The following GPR107 variants were observed in gnomAD, a reference collection of about 807,000 sequenced individuals.
GPR107 encodes the protein protein GPR107.
A neutral mutation model predicts 75.5 loss-of-function variants in GPR107; 31 were observed. That is an observed-to-expected ratio of 0.41 (90% confidence interval 0.31 to 0.55). The LOEUF is 0.55. Among genes scored for constraint, GPR107 ranks in the 20% least tolerant of loss-of-function variants. GPR107 has a pLI of 0.26. For synonymous variants in GPR107, 267 were observed against 251.3 expected (o/e 1.06, Z -0.59); for missense variants, 572 against 665.7 (o/e 0.86, Z 1.55).
intron 14 of GPR107, among the ~76,000 whole-genome samples, chr9:130,113,038 C>T (rs1235142833): frequency 6.6e-6 from 1 of 152,174 alleles, no homozygotes; most frequent in African/African-American, 2.4e-5. Context: ...GCATGAGCCA[C>T]TGTGCCTGGC....
At chr9:130,108,992 CTTTTTTTTTTTT>C (rs11316244) in intron 14 of GPR107, among the ~76,000 whole-genome samples, 4 of 66,056 alleles carry the variant, frequency 6.1e-5, no homozygotes, top group African/African-American at 2.6e-4. Context: ...TGGGGATATT[CTTTTTTTTTTTT>C]TTTTTTTTTT....
At chr9:130,092,054 G>T (rs984744137) in intron 8 of GPR107, among the ~76,000 whole-genome samples, 194 bp from the exon 9 acceptor site, 2 of 151,934 alleles carry the variant, frequency 1.3e-5, no homozygotes, top group African/African-American at 2.4e-5. Flanking sequence ...GGCTGGTGTT[G>T]AACTCCTGAT....
At chr9:130,134,201 C>G (rs1233525590) in intron 17 of GPR107, among the ~76,000 whole-genome samples, 1 of 152,214 alleles carries the variant, frequency 6.6e-6, no homozygotes. Context: ...CTGCTACTCA[C>G]AGAGCCACCC....
chr9:130,092,677 G>A (rs1830771203), intron 9 of GPR107, among the ~76,000 whole-genome samples: 2 of 151,346 alleles, frequency 1.3e-5, no homozygotes, highest in South Asian at 2.1e-4. Context: ...GTGCAGTGGC[G>A]TGATCTCAGC....
chr9:130,132,679 G>T (rs909050211), intron 17 of GPR107, among the ~76,000 whole-genome samples: 9 of 152,024 alleles, frequency 5.9e-5, no homozygotes, highest in Non-Finnish European at 8.8e-5. Flanking sequence ...CCAGGTACTT[G>T]GGAGGTTGAG....
At chr9:130,126,138 T>C (rs1177389030) in intron 15 of GPR107, among the ~76,000 whole-genome samples, 1 of 151,918 alleles carries the variant, frequency 6.6e-6, no homozygotes, top group Non-Finnish European at 1.5e-5. Flanking sequence ...GTTGTGGTAA[T>C]AAATTTTCCT....
At chr9:130,098,738 C>T (rs1168723847) in intron 9 of GPR107, among the ~76,000 whole-genome samples, 4 of 152,032 alleles carry the variant, frequency 2.6e-5, no homozygotes, top group South Asian at 4.2e-4. Context: ...CTGGGTGTGG[C>T]GGCTCACCCC....
chr9:130,074,072 A>C (rs1333418099), intron 1 of GPR107, among the ~76,000 whole-genome samples: 1 of 152,148 alleles, frequency 6.6e-6, no homozygotes, highest in African/African-American at 2.4e-5. Context: ...CTGGGTTTTT[A>C]ACAGATGTTG....
At chr9:130,078,560 A>C (rs1309423569) in intron 4 of GPR107, among the ~76,000 whole-genome samples, 1 of 152,208 alleles carries the variant, frequency 6.6e-6, no homozygotes, top group African/African-American at 2.4e-5. Flanking sequence ...TAGTGAAGAC[A>C]TTGATTACCT....
chr9:130,066,789 T>C (rs927338229), intron 1 of GPR107, among the ~76,000 whole-genome samples: 20 of 151,948 alleles, frequency 1.3e-4, no homozygotes, highest in African/African-American at 4.1e-4. Flanking sequence ...ATCGAGACCA[T>C]CCTGGCTAAC....
chr9:130,071,538 G>A (rs1328898746), intron 1 of GPR107, among the ~76,000 whole-genome samples: 1 of 152,012 alleles, frequency 6.6e-6, no homozygotes, highest in Non-Finnish European at 1.5e-5. Context: ...CTACCGTGGG[G>A]CTGCTTCTCT....
In GPR107 at chr9:130,079,663, C is replaced by G. The variant is rs147298143; in HGVS notation, c.420C>G (p.Thr140=). The G allele has an allele frequency of 6.2e-7, 1 of 1,613,176 alleles. No homozygotes were observed. The highest frequency in any genetic ancestry group is 1.7e-5 in the Admixed American group (1 of 59,980). ...TAAAGTCTCCACCAGAAGCTGGTACCCAGTTACCAAAGATCATCTTCAGCA... is the reference window on the plus strand; with the variant it reads ...TAAAGTCTCCACCAGAAGCTGGTACGCAGTTACCAAAGATCATCTTCAGCA... ...VRVKSPPEAG[T]QLPKIIFSRD... Residue 140 remains threonine, a synonymous_variant, in exon 5 of 18, where the codon ACC becomes ACG. Coordinates refer to ENST00000347136, the MANE Select transcript of GPR107 (RefSeq NM_020960.5).
chr9:130,137,612 T>C lies in GPR107; in HGVS notation c.*2491T>C, dbSNP rs1335327305. On this transcript the variant is annotated 3_prime_UTR_variant, in exon 18 of 18. Coordinates refer to ENST00000347136, the MANE Select transcript of GPR107 (RefSeq NM_020960.5). ...GTGGTTCCAAGCTTTTAAAAAATTA[T>C]TGAAGCTCTCCATCCTGTTCTGTGA... 2.6e-5 allele frequency: 4 copies of C among 152,266 alleles called. No individual in the cohort carries two copies. Among genetic ancestry groups the C allele is most frequent in the African/African-American group, 9.6e-5 (4 of 41,464 alleles). 9.4% of individuals were successfully genotyped at this position (152,266 alleles called of 1,614,324 possible).
At chr9:130,102,415 G>A (rs1344027532) in intron 12 of GPR107, among the ~76,000 whole-genome samples, 1 of 152,168 alleles carries the variant, frequency 6.6e-6, no homozygotes, top group African/African-American at 2.4e-5. Context: ...GAACCAGGCT[G>A]TCGTGGGGCA....
intron 1 of GPR107, among the ~76,000 whole-genome samples, chr9:130,068,016 A>C (rs960720213): frequency 6.0e-5 from 9 of 151,252 alleles, no homozygotes; most frequent in African/African-American, 2.2e-4. Context: ...CTGGGATTAC[A>C]GGTGCGAGCC....
chr9:130,114,729 C>T (rs1233203748), intron 14 of GPR107: 3 of 1,013,800 alleles, frequency 3.0e-6, no homozygotes, highest in African/African-American at 1.7e-5. Flanking sequence ...ATCATACTAA[C>T]CGAAAAACTT....
In GPR107 at chr9:130,076,417, A is replaced by C; in HGVS notation, c.261A>C (p.Gly87=). 1 of 1,560,420 alleles carries C rather than the reference A, an allele frequency of 6.4e-7. No individual in the cohort carries two copies. Among genetic ancestry groups the C allele is most frequent in the African/African-American group, 1.4e-5 (1 of 74,048 alleles). Residue 87 remains glycine (G), a synonymous_variant, in exon 3 of 18, where the codon GGA becomes GGC. Coordinates refer to ENST00000347136, the MANE Select transcript of GPR107 (RefSeq NM_020960.5). Reference sequence around the variant, plus strand: ...CTGTTTTTACTCCCCATTAGATTGGATTTAGCCTAGACCGTACAAAGAATG... The same window carrying C: ...CTGTTTTTACTCCCCATTAGATTGGCTTTAGCCTAGACCGTACAAAGAATG... ...NEPEDKDVTI[G]FSLDRTKNDG... is the part of the protein sequence containing the mutation.
chr9:130,109,621 G>C (rs966106243), intron 14 of GPR107, among the ~76,000 whole-genome samples: 1 of 147,212 alleles, frequency 6.8e-6, no homozygotes, highest in Non-Finnish European at 1.5e-5. Context: ...CCAGGCTGGA[G>C]TGCAGTGATG....
At chr9:130,060,132 G>A (rs916040160) in intron 1 of GPR107, among the ~76,000 whole-genome samples, 2 of 151,584 alleles carry the variant, frequency 1.3e-5, no homozygotes, top group Middle Eastern at 3.4e-3. Context: ...GCGCGATCTC[G>A]GCTCATTGCA....
Sources: allele counts gnomAD v4.1 joint callset (sites outside exome capture counted in the v4.1 genomes callset), GRCh38; gene constraint gnomAD v4.1.1; transcripts MANE v1.5; gene names NCBI Gene and HGNC (gene_info 2026-07-23, HGNC 2026-07-21).